Variants in PLEKHM3 observed in about 807,000 individuals in gnomAD.
PLEKHM3 encodes the protein pleckstrin homology domain-containing family M member 3.
Under a neutral mutation model 81.8 loss-of-function variants are expected in PLEKHM3, and 45 were observed. The observed-to-expected ratio is 0.55, with a 90% CI of 0.43 to 0.71. The LOEUF (loss-of-function observed/expected upper bound fraction) is 0.71. Among genes scored for constraint, PLEKHM3 ranks in the 30% least tolerant of loss-of-function variants. PLEKHM3 has a pLI of 0.00. For synonymous variants in PLEKHM3, 352 were observed against 356.4 expected (o/e 0.99, Z 0.14); for missense variants, 788 against 924.3 (o/e 0.85, Z 1.91).
intron 7 of PLEKHM3, among the ~76,000 whole-genome samples, chr2:207,848,787 C>T (rs1456715129): frequency 6.6e-6 from 1 of 152,168 alleles, no homozygotes; most frequent in Non-Finnish European, 1.5e-5. Context: ...CAATTCAAAA[C>T]GTTGAGCGTG....
Position 207,825,417 on chromosome 2 carries a change from A to G in PLEKHM3, c.*2902T>C, listed in dbSNP as rs1169153791. 1 of 152,218 alleles carries G rather than the reference A, an allele frequency of 6.6e-6. No homozygotes were observed. The highest frequency in any genetic ancestry group is 2.4e-5 in the African/African-American group (1 of 41,452). 9.4% of individuals were successfully genotyped at this position (152,218 alleles called of 1,614,324 possible). A position where few individuals can be genotyped will look rare whatever the true frequency, so the allele number is the denominator to read the frequency against. ...ATATGTTTTATGTGCAAGATATTTA[A>G]TATGGGATGAAAAATGGAACACGAG... On this transcript the variant is annotated 3_prime_UTR_variant, in exon 8 of 8. Transcript: ENST00000427836.
intron 7 of PLEKHM3, among the ~76,000 whole-genome samples, chr2:207,847,294 A>G (rs2092389197): frequency 6.6e-6 from 1 of 152,252 alleles, no homozygotes; most frequent in Non-Finnish European, 1.5e-5. Flanking sequence ...AAACATTTTG[A>G]CATGTGAATA....
chr2:207,986,838 A>ATTTTTT (rs370986896), intron 2 of PLEKHM3, among the ~76,000 whole-genome samples: 1 of 126,300 alleles, frequency 7.9e-6, no homozygotes, highest in African/African-American at 3.2e-5. Flanking sequence ...TGCCCAGCTA[A>ATTTTTT]TTTTTTTTTT....
At chr2:207,911,550 T>C (rs982480352) in intron 5 of PLEKHM3, among the ~76,000 whole-genome samples, 1 of 152,150 alleles carries the variant, frequency 6.6e-6, no homozygotes, top group East Asian at 1.9e-4. Flanking sequence ...CCCAAACTTA[T>C]CTGCAGGAAA....
intron 1 of PLEKHM3, among the ~76,000 whole-genome samples, chr2:208,022,795 CACATA>C (rs1693169724): frequency 6.6e-6 from 1 of 152,134 alleles, no homozygotes; most frequent in Non-Finnish European, 1.5e-5. Context: ...TAAACTGTGC[CACATA>C]ACATAATTGA....
At chr2:207,865,985 T>C (rs1280782551) in intron 6 of PLEKHM3, among the ~76,000 whole-genome samples, 1 of 150,980 alleles carries the variant, frequency 6.6e-6, no homozygotes, top group Non-Finnish European at 1.5e-5. Context: ...TCACTGTAAG[T>C]CTCTTTTTTC....
intron 7 of PLEKHM3, among the ~76,000 whole-genome samples, chr2:207,834,787 T>TA (rs2092309285): frequency 6.6e-6 from 1 of 152,022 alleles, no homozygotes. Context: ...TTATTTGCTC[T>TA]TTGGCCAAGA....
intron 4 of PLEKHM3, among the ~76,000 whole-genome samples, chr2:207,938,274 G>C (rs1027421109): frequency 2.0e-5 from 3 of 152,186 alleles, no homozygotes; most frequent in African/African-American, 7.2e-5. Context: ...ATTGAGGATA[G>C]GGTTTAGCGC....
At chr2:207,829,183 GC>G (rs1679536191) in intron 7 of PLEKHM3, among the ~76,000 whole-genome samples, 1 of 152,180 alleles carries the variant, frequency 6.6e-6, no homozygotes, top group Non-Finnish European at 1.5e-5. Flanking sequence ...TATGTAGAGA[GC>G]AAACATTCCA....
intron 7 of PLEKHM3, among the ~76,000 whole-genome samples, chr2:207,835,895 G>A (rs551913583): frequency 6.1e-4 from 93 of 152,268 alleles, no homozygotes; most frequent in African/African-American, 2.1e-3. Context: ...GGATGAGGAG[G>A]GCCAGCTAGA....
intron 3 of PLEKHM3, among the ~76,000 whole-genome samples, chr2:207,953,589 G>A (rs1160315167): frequency 2.6e-5 from 4 of 152,274 alleles, no homozygotes; most frequent in Admixed American, 2.6e-4. Flanking sequence ...AGGAGTTTGA[G>A]ACCAGCCTAG....
At chr2:207,923,955 C>G (rs1240088922) in intron 5 of PLEKHM3, among the ~76,000 whole-genome samples, 1 of 132,878 alleles carries the variant, frequency 7.5e-6, no homozygotes, top group African/African-American at 2.9e-5. Context: ...GCCTCCCAGG[C>G]TGGAGTGCAG....
chr2:207,948,254 G>T (rs1364976432), intron 3 of PLEKHM3, among the ~76,000 whole-genome samples: 1 of 151,488 alleles, frequency 6.6e-6, no homozygotes, highest in East Asian at 1.9e-4. Context: ...CTCACTGACT[G>T]CATTACTCAT....
At chr2:208,019,109 G>A (rs908194429) in intron 1 of PLEKHM3, among the ~76,000 whole-genome samples, 2 of 151,100 alleles carry the variant, frequency 1.3e-5, no homozygotes, top group African/African-American at 4.9e-5. Flanking sequence ...AGACCATCCT[G>A]AGCAACATAG....
At chr2:207,978,602 C>T (rs1193352436) in intron 2 of PLEKHM3, among the ~76,000 whole-genome samples, 2 of 152,066 alleles carry the variant, frequency 1.3e-5, no homozygotes, top group Non-Finnish European at 2.9e-5. Context: ...ATCAGAGATC[C>T]AAGCTTGACT....
intron 4 of PLEKHM3, among the ~76,000 whole-genome samples, chr2:207,937,386 C>G (rs1689790984): frequency 6.6e-6 from 1 of 152,070 alleles, no homozygotes; most frequent in East Asian, 1.9e-4. Context: ...GGCAACATAG[C>G]AAGACTTTGT....
intron 5 of PLEKHM3, among the ~76,000 whole-genome samples, chr2:207,910,571 A>C (rs963585098): frequency 5.3e-5 from 8 of 152,028 alleles, no homozygotes; most frequent in Admixed American, 4.6e-4. Flanking sequence ...GGACTTTCTG[A>C]CTCCAAAGGC....
chr2:207,959,589 T>A (rs1243686571), intron 3 of PLEKHM3, among the ~76,000 whole-genome samples: 1 of 152,210 alleles, frequency 6.6e-6, no homozygotes, highest in Non-Finnish European at 1.5e-5. Context: ...CCATTCCTAA[T>A]GCCTGCTTCT....
chr2:207,956,760 G>A (rs548124650), intron 3 of PLEKHM3, among the ~76,000 whole-genome samples: 1 of 125,084 alleles, frequency 8.0e-6, no homozygotes, highest in African/African-American at 3.1e-5. Flanking sequence ...GAGACCCAGG[G>A]GTCTTGCTAT....
Sources: gnomAD v4.1 joint callset for allele counts (sites outside exome capture counted in the v4.1 genomes callset) on GRCh38, gnomAD v4.1.1 for gene constraint, MANE v1.5 for transcripts, NCBI Gene and HGNC (gene_info 2026-07-23, HGNC 2026-07-21) for gene names.